The following PIK3C2A variants were observed in gnomAD, a reference collection of about 807,000 sequenced individuals.
PIK3C2A encodes phosphatidylinositol 4-phosphate 3-kinase C2 domain-containing subunit alpha.
A neutral mutation model predicts 204.5 loss-of-function variants in PIK3C2A; 97 were observed. That is an observed-to-expected ratio of 0.47 (90% CI 0.40 to 0.56). The LOEUF is 0.56. Among genes scored for constraint, PIK3C2A ranks in the 20% least tolerant of loss-of-function variants. The probability of loss-of-function intolerance (pLI) is 0.00; values close to 1 mark genes in which losing one functional copy is unlikely to be tolerated. For missense variants in PIK3C2A, 1,735 were observed against 1,969.2 expected, an observed-to-expected ratio of 0.88 and a Z score of 2.25; for synonymous variants, 653 against 664.4, an observed-to-expected ratio of 0.98 and a Z score of 0.26.
chr11:17,155,866 C>G (rs1215140997), intron 2 of PIK3C2A, among the ~76,000 whole-genome samples: 2 of 152,132 alleles, frequency 1.3e-5, no homozygotes, highest in Non-Finnish European at 2.9e-5. Context: ...CTATACCGGT[C>G]AGTAAGAATG....
At chr11:17,115,585 T>C (rs1849157059) in intron 19 of PIK3C2A, 1 of 149,712 alleles carries the variant, frequency 6.7e-6, no homozygotes, top group South Asian at 2.1e-4. Context: ...AGCATATGGA[T>C]AGACATATAT....
Position 17,089,620 on chromosome 11 carries a change from C to T in PIK3C2A, c.*118G>A. 2 of 631,358 alleles carry T rather than the reference C, an allele frequency of 3.2e-6. No homozygotes were observed. The highest frequency in any genetic ancestry group is 2.8e-5 in the East Asian group (1 of 36,090). 39.1% of individuals were successfully genotyped at this position (631,358 alleles called of 1,614,324 possible). On this transcript the variant is annotated 3_prime_UTR_variant, in exon 33 of 33. Coordinates refer to ENST00000691414, the MANE Select transcript of PIK3C2A (RefSeq NM_002645.4). ...TATATTTAACTTTATAAGTTCTGTC[C>T]AAGTATAAAAATACTATACAAAATT...
chr11:17,107,137 C>T (rs1848848780), intron 22 of PIK3C2A, among the ~76,000 whole-genome samples: 1 of 152,020 alleles, frequency 6.6e-6, no homozygotes, highest in Admixed American at 6.6e-5. Flanking sequence ...CATGGTGAAA[C>T]CCCATCTCTA....
chr11:17,122,861 T>C, intron 13 of PIK3C2A, 48 bp from the exon 14 acceptor site: 1 of 814,458 alleles, frequency 1.2e-6, no homozygotes, highest in Non-Finnish European at 2.0e-6. Context: ...TAAAAATCAA[T>C]TCAAAATTTA....
chr11:17,145,542 A>C (rs368461490), intron 8 of PIK3C2A, 126 bp downstream of exon 8: 16 of 606,214 alleles, frequency 2.6e-5, no homozygotes, highest in African/African-American at 2.2e-4. Context: ...TTTCTTTATA[A>C]ATTAAAAAGA....
chr11:17,132,016 A>G lies in PIK3C2A; in HGVS notation c.2131T>C (p.Cys711Arg). 2.6e-6 allele frequency: 4 copies of G among 1,538,858 alleles called. No homozygotes were observed. The highest frequency in any genetic ancestry group is 3.6e-6 in the Non-Finnish European group (4 of 1,125,342). The change falls in exon 12 of 33, where the codon TGT becomes CGT. Residue 711 changes from cysteine (C) to arginine (R), a missense_variant. Around this residue, in one of 6 missense-constraint regions of PIK3C2A, gnomAD observed 567 missense variants for 576.0 expected, o/e 0.98. Coordinates refer to ENST00000691414, the MANE Select transcript of PIK3C2A (RefSeq NM_002645.4). ...VSNYEKYYLICSLSHNGKDLF... is the reference protein window; with the variant it reads ...VSNYEKYYLIRSLSHNGKDLF... ...TCCTTTCCATTGTGAGACAGTGAACATATCAAGTAGTATTTTTCATAACTG... is the reference window on the plus strand; with the variant it reads ...TCCTTTCCATTGTGAGACAGTGAACGTATCAAGTAGTATTTTTCATAACTG...
At chr11:17,111,904 C>CAAAAAAAAAAAAAAATAA (rs755288547) in intron 21 of PIK3C2A, among the ~76,000 whole-genome samples, 1 of 100,468 alleles carries the variant, frequency 1.0e-5, no homozygotes, top group Non-Finnish European at 2.1e-5. Flanking sequence ...AAAAAAAATT[C>CAAAAAAAAAAAAAAATAA]AAAAAAAAAA....
chr11:17,094,374 G>T lies in PIK3C2A; in HGVS notation c.4338C>A (p.Val1446=), dbSNP rs768800889. ...CAATCTGTCCTTCCCTCAAAATTCG[G>T]ACTACATAAATCTGAAAAGAAATCA... The part of the protein sequence containing the change: ...YNPDKHYIYV[V]RILREGQIEP... Residue 1446 remains valine (V), a synonymous_variant, in exon 28 of 33, where the codon GTC becomes GTA. Transcript: ENST00000691414. The T allele has an allele frequency of 5.5e-5, 89 of 1,609,182 alleles. No individual in the cohort carries two copies. The highest frequency in any genetic ancestry group is 7.2e-5 in the Non-Finnish European group (85 of 1,177,392).
At position 17,117,560 on chromosome 11, in the gene PIK3C2A, C is replaced by T; in HGVS notation, c.3147G>A (p.Gln1049=). ...GKRLREELLK[Q]TKLVQLLGGV... ...CTCCTAAAAGCTGTACAAGTTTCGT[C>T]TGTTTTAGAAGTTCTTCTCTAAGTC... The change falls in exon 19 of 33, where the codon CAG becomes CAA. Residue 1049 remains glutamine, a synonymous_variant. Transcript: ENST00000691414. The T allele has an allele frequency of 6.2e-7, 1 of 1,613,982 alleles. No homozygotes were observed. The highest frequency in any genetic ancestry group is 8.5e-7 in the Non-Finnish European group (1 of 1,179,896).
chr11:17,125,555 C>T (rs550505374), intron 13 of PIK3C2A, among the ~76,000 whole-genome samples: 7 of 152,054 alleles, frequency 4.6e-5, no homozygotes, highest in African/African-American at 1.7e-4. Context: ...GTTCTGTCGC[C>T]CAGGCTGGAG....
chr11:17,175,748 A>G (rs1036579422), intron 1 of PIK3C2A, among the ~76,000 whole-genome samples: 2 of 152,164 alleles, frequency 1.3e-5, no homozygotes, highest in African/African-American at 4.8e-5. Flanking sequence ...GCATATCCCA[A>G]AACAGAAGAA....
chr11:17,086,988 T>C lies in PIK3C2A; in HGVS notation c.*2750A>G, dbSNP rs972965648. The C allele has an allele frequency of 2.0e-5, 3 of 152,198 alleles. No homozygotes were observed. Among genetic ancestry groups the C allele is most frequent in the Non-Finnish European group, 2.9e-5 (2 of 68,006 alleles). The allele number at this position is 152,198 out of a possible 1,614,324, so 9.4% of individuals were successfully genotyped here. Reference sequence around the variant, plus strand: ...ACATGCCTTAACATTTAGATACCTATAGATTCATATAAAGGCAGTAATAAA... The same window carrying C: ...ACATGCCTTAACATTTAGATACCTACAGATTCATATAAAGGCAGTAATAAA... On this transcript the variant is annotated 3_prime_UTR_variant, in exon 33 of 33. Transcript: ENST00000691414.
At chr11:17,203,287 G>C (rs1591033937) in intron 1 of PIK3C2A, among the ~76,000 whole-genome samples, 1 of 150,954 alleles carries the variant, frequency 6.6e-6, no homozygotes, top group Non-Finnish European at 1.5e-5. Context: ...GAGGCCAGGA[G>C]TTCAAGACCA....
intron 9 of PIK3C2A, among the ~76,000 whole-genome samples, chr11:17,135,868 T>C (rs547575862): frequency 9.8e-5 from 15 of 152,322 alleles, no homozygotes; most frequent in African/African-American, 3.6e-4. Flanking sequence ...TTTTCTATCC[T>C]TTATATTTAT....
Position 17,180,290 on chromosome 11 carries a change from C to T in PIK3C2A, c.-65-10484G>A, listed in dbSNP as rs142190510. ...GTCTGAGATGGGAAGACTGCTTGAG[C>T]CCAGGGGGTCAAGGCTGCAGTGAGC... On this transcript the variant is annotated intron_variant, in intron 1 of 32. Coordinates refer to ENST00000691414, the MANE Select transcript of PIK3C2A (RefSeq NM_002645.4). Among the ~76,000 whole-genome samples the T allele has an allele frequency of 1.6e-3, 242 of 152,162 alleles. 2 individuals carry two copies. Among genetic ancestry groups the T allele is most frequent in the African/African-American group, 5.3e-3 (221 of 41,530 alleles).
Position 17,089,731 on chromosome 11 carries a change from C to G in PIK3C2A, c.*7G>C. ...TTCATGCTTCCAAAGCTCAAACATT[C>G]ACTAGTTTACAAGTATGTTGCCGCA... is the stretch of plus-strand genomic sequence containing the variant. On this transcript the variant is annotated 3_prime_UTR_variant, in exon 33 of 33. Coordinates refer to ENST00000691414, the MANE Select transcript of PIK3C2A (RefSeq NM_002645.4). The G allele has an allele frequency of 6.2e-7, 1 of 1,600,912 alleles. No individual in the cohort carries two copies. Among genetic ancestry groups the G allele is most frequent in the South Asian group, 1.1e-5 (1 of 90,550 alleles).
rs1029709917 is a variant in PIK3C2A, at chr11:17,089,506, A to G, written c.*232T>C. The G allele has an allele frequency of 1.8e-5, 8 of 441,674 alleles. No individual in the cohort carries two copies. The highest frequency in any genetic ancestry group is 3.2e-5 in the Non-Finnish European group (8 of 247,000). The allele number at this position is 441,674 out of a possible 1,614,324, so 27.4% of individuals were successfully genotyped here. A position where few individuals can be genotyped will look rare whatever the true frequency, so the allele number is the denominator to read the frequency against. On this transcript the variant is annotated 3_prime_UTR_variant, in exon 33 of 33. Transcript: ENST00000691414. ...GTTTAGGGTTTGTAGCATTCTACATAATGACTTTAAAACAGCAATGGCTTC... is the reference window on the plus strand; with the variant it reads ...GTTTAGGGTTTGTAGCATTCTACATGATGACTTTAAAACAGCAATGGCTTC...
chr11:17,182,717 G>A (rs1169788895), intron 1 of PIK3C2A, among the ~76,000 whole-genome samples: 1 of 152,078 alleles, frequency 6.6e-6, no homozygotes, highest in African/African-American at 2.4e-5. Context: ...AGAGACATGG[G>A]GAAAGGATAA....
In PIK3C2A at chr11:17,147,568, A is replaced by G; in HGVS notation, c.1509T>C (p.Ile503=). 4 of 1,612,980 alleles carry G rather than the reference A, an allele frequency of 2.5e-6. No individual in the cohort carries two copies. Among genetic ancestry groups the G allele is most frequent in the Non-Finnish European group, 3.4e-6 (4 of 1,179,006 alleles). Reference sequence around the variant, plus strand: ...CACTGAAGGTCAAGAGTTGTAGTCTAATTTCTGTGTCCCATTTTCGACAGT... The same window carrying G: ...CACTGAAGGTCAAGAGTTGTAGTCTGATTTCTGTGTCCCATTTTCGACAGT... ...IQNCRKWDTE[I]RLQLLTFSAM... is the part of the protein sequence containing the mutation. Residue 503 remains isoleucine, a synonymous_variant, in exon 6 of 33, where the codon ATT becomes ATC. Coordinates refer to ENST00000691414, the MANE Select transcript of PIK3C2A (RefSeq NM_002645.4).
Sources: allele counts gnomAD v4.1 joint callset (sites outside exome capture counted in the v4.1 genomes callset), GRCh38; gene constraint gnomAD v4.1.1; regional missense constraint gnomAD v4.1.1; transcripts MANE v1.5; gene names NCBI Gene and HGNC (gene_info 2026-07-23, HGNC 2026-07-21).